The following CD6 variants were observed in gnomAD, a reference collection of about 807,000 sequenced individuals.
CD6 encodes T-cell differentiation antigen CD6.
A neutral mutation model predicts 75.3 loss-of-function variants in CD6; 53 were observed. That is an observed-to-expected ratio of 0.70 (90% CI 0.56 to 0.88). The LOEUF is 0.88. CD6 is among the 40% of genes least tolerant of loss of function. CD6 has a pLI of 0.00. For missense variants in CD6, 770 were observed against 897.1 expected (o/e 0.86, Z 1.81); for synonymous variants, 359 against 381.5 (o/e 0.94, Z 0.69).
intron 1 of CD6, among the ~76,000 whole-genome samples, chr11:60,981,253 G>A (rs1254802205): frequency 6.6e-6 from 1 of 152,164 alleles, no homozygotes; most frequent in Non-Finnish European, 1.5e-5. Context: ...CTGAGTAAGT[G>A]ACAGGCTCAG....
chr11:61,017,923 T>C lies in CD6; in HGVS notation c.1747T>C (p.Trp583Arg). The change falls in exon 11 of 13, where the codon TGG becomes CGG. Residue 583 changes from tryptophan (W) to arginine (R), a missense_variant. Physicochemically the swap from Trp to Arg is moderately radical, Grantham distance 101. Coordinates refer to ENST00000313421, the MANE Select transcript of CD6 (RefSeq NM_006725.5). ...CNSPKSKLPP[W>R]NPQVFSSERS... The stretch of plus-strand genomic sequence containing the variant: ...TAGTCCCAAAAGCAAGCTGCCTCCA[T>C]GGAACCCCCAGGTGTTTTCTTCAGA... 1 of 1,614,000 alleles carries C rather than the reference T, an allele frequency of 6.2e-7. No individual in the cohort carries two copies. The highest frequency in any genetic ancestry group is 1.7e-5 in the Admixed American group (1 of 60,026).
intron 1 of CD6, among the ~76,000 whole-genome samples, chr11:60,978,743 T>C (rs1857457782): frequency 6.6e-6 from 1 of 152,202 alleles, no homozygotes; most frequent in Non-Finnish European, 1.5e-5. Flanking sequence ...TATAGAATCA[T>C]GGACCCCGGA....
At chr11:61,017,062 C>T (rs1035040002) in intron 9 of CD6, 6 of 195,258 alleles carry the variant, frequency 3.1e-5, no homozygotes, top group East Asian at 1.2e-4. Context: ...GATTCTGAAA[C>T]GTGAAGGTGC....
intron 1 of CD6, among the ~76,000 whole-genome samples, chr11:60,980,031 C>T (rs1224697931): frequency 2.0e-5 from 3 of 152,174 alleles, no homozygotes; most frequent in African/African-American, 4.8e-5. Flanking sequence ...ACAATCACCC[C>T]TTTTTTATGG....
chr11:61,000,697 A>G (rs1018339206), intron 1 of CD6, among the ~76,000 whole-genome samples: 1 of 152,174 alleles, frequency 6.6e-6, no homozygotes, highest in Non-Finnish European at 1.5e-5. Flanking sequence ...CACCTCTCAG[A>G]TGCCCATGGG....
intron 1 of CD6, among the ~76,000 whole-genome samples, chr11:60,994,457 C>CAAAAAGAAA (rs1858206818): frequency 1.9e-5 from 1 of 52,964 alleles, no homozygotes; most frequent in South Asian, 1.1e-3. Flanking sequence ...ACACCCCCGC[C>CAAAAAGAAA]AAAAAAAAAA....
At chr11:61,002,423 G>C (rs1248318231) in intron 1 of CD6, among the ~76,000 whole-genome samples, 1 of 152,104 alleles carries the variant, frequency 6.6e-6, no homozygotes, top group East Asian at 1.9e-4. Flanking sequence ...AGGGTGTGGT[G>C]GTGGGTGCCT....
chr11:61,008,660 G>T lies in CD6; in HGVS notation c.596G>T (p.Cys199Phe). 6.2e-7 allele frequency: 1 copy of T among 1,608,370 alleles called. No homozygotes were observed. Among genetic ancestry groups the T allele is most frequent in the Non-Finnish European group, 8.5e-7 (1 of 1,177,838 alleles). ...TWDLEDAHVV[C>F]RQLGCGWAVQ... ...GACCTGGAGGACGCCCACGTGGTGT[G>T]CAGGCAACTGGGCTGCGGCTGGGCA... Residue 199 changes from cysteine to phenylalanine, a missense_variant, in exon 4 of 13, where the codon TGC becomes TTC. Transcript: ENST00000313421.
chr11:60,980,929 G>A (rs963833252), intron 1 of CD6, among the ~76,000 whole-genome samples: 1 of 152,152 alleles, frequency 6.6e-6, no homozygotes, highest in Non-Finnish European at 1.5e-5. Flanking sequence ...CCGGCTGAGG[G>A]GAGGTGCTGA....
chr11:60,976,963 T>A (rs1857386398), intron 1 of CD6, among the ~76,000 whole-genome samples: 2 of 152,188 alleles, frequency 1.3e-5, no homozygotes, highest in African/African-American at 4.8e-5. Context: ...ATGACAGGCT[T>A]CTGCATCTTT....
chr11:61,007,774 G>T lies in CD6; in HGVS notation c.333G>T (p.Gly111=). 2 of 1,469,410 alleles carry T rather than the reference G, an allele frequency of 1.4e-6. No individual in the cohort carries two copies. The highest frequency in any genetic ancestry group is 1.3e-5 in the South Asian group (1 of 76,056). The allele number at this position is 1,469,410 out of a possible 1,614,324, so 91.0% of individuals were successfully genotyped here. The change falls in exon 3 of 13, where the codon GGG becomes GGT. Residue 111 remains glycine (G), a synonymous_variant. Transcript: ENST00000313421. The surrounding 1 kb of genome is among the most constrained non-coding windows in gnomAD (Gnocchi z 4.2). ...TPELPPPPAA[G]NTSVAANATL... ...AGCTGCCGCCCCCGCCTGCAGCCGG[G>T]AACACCAGCGTAGCAGCTAATGCCA...
chr11:61,016,275 T>TGTGCCTCATAGCCAGCTC (rs1326672249), intron 9 of CD6, among the ~76,000 whole-genome samples: 2 of 152,198 alleles, frequency 1.3e-5, no homozygotes, highest in African/African-American at 4.8e-5. Flanking sequence ...CTTGCCAGCT[T>TGTGCCTCATAGCCAGCTC]GTGCCTCATA....
intron 7 of CD6, 100 bp from the exon 8 acceptor site, chr11:61,013,819 G>T (rs774328562): frequency 9.9e-5 from 82 of 831,718 alleles, no homozygotes; most frequent in Non-Finnish European, 1.5e-5. Context: ...AGTGTTGGGG[G>T]AATGAGGAGG....
intron 1 of CD6, among the ~76,000 whole-genome samples, chr11:61,000,953 C>CT (rs912412301): frequency 6.6e-6 from 1 of 152,150 alleles, no homozygotes; most frequent in East Asian, 1.9e-4. Flanking sequence ...CTCCCAACCT[C>CT]TTTCTTCTCC....
Position 61,005,067 on chromosome 11 carries a change from C to T in CD6, c.50-1507C>T, listed in dbSNP as rs115643348. On this transcript the variant is annotated intron_variant, in intron 1 of 12. Coordinates refer to ENST00000313421, the MANE Select transcript of CD6 (RefSeq NM_006725.5). ...ATCCCAGCCCAGAGGGGAGGCAAGT[C>T]CTTGGAGACAGTTTAAATCCGGGCT... 4.2e-3 allele frequency among the ~76,000 whole-genome samples: 636 copies of T among 152,330 alleles called. 8 individuals are homozygous for T. Among genetic ancestry groups the T allele is most frequent in the African/African-American group, 0.015 (605 of 41,564 alleles).
In CD6 at chr11:61,017,120, A is replaced by G. The variant is rs1436256070; in HGVS notation, c.1511-359A>G. ...TTCCAGACCATCTGGGTTTCACTCT[A>G]GGAAGGCTTCTTGAAGGAGCAAACA... On this transcript the variant is annotated intron_variant, in intron 9 of 12. Transcript: ENST00000313421. The G allele has an allele frequency of 1.6e-4, 41 of 260,744 alleles. No individual in the cohort carries two copies. The Admixed American group carries it at 2.0e-3, about 13-fold the overall frequency. The allele number at this position is 260,744 out of a possible 1,614,324, so 16.2% of individuals were successfully genotyped here. A position where few individuals can be genotyped will look rare whatever the true frequency, so the allele number is the denominator to read the frequency against.
chr11:61,015,937 G>A (rs1388943662), intron 9 of CD6, 102 bp downstream of exon 9: 1 of 1,370,928 alleles, frequency 7.3e-7, no homozygotes, highest in East Asian at 2.3e-5. Flanking sequence ...ACCCCTGCAT[G>A]ATGCAGACAG....
chr11:60,987,024 A>G (rs1590679712), intron 1 of CD6, among the ~76,000 whole-genome samples: 1 of 152,178 alleles, frequency 6.6e-6, no homozygotes, highest in East Asian at 1.9e-4. Flanking sequence ...GCTACTCAGG[A>G]GGCTCAGGCA....
intron 1 of CD6, among the ~76,000 whole-genome samples, chr11:60,974,148 GGA>G (rs985147358): frequency 7.9e-4 from 121 of 152,312 alleles, no homozygotes; most frequent in African/African-American, 2.5e-3. Flanking sequence ...GGGAGGAAAT[GGA>G]GCTGGGATAA....
Sources: gnomAD v4.1 joint callset for allele counts (sites outside exome capture counted in the v4.1 genomes callset) on GRCh38, gnomAD v4.1.1 for gene constraint, Gnocchi (gnomAD v3.1) non-coding constraint, MANE v1.5 for transcripts, NCBI Gene and HGNC (gene_info 2026-07-23, HGNC 2026-07-21) for gene names.